Variants in NCAM2 observed in about 807,000 individuals in gnomAD.
The protein encoded by NCAM2 is neural cell adhesion molecule 2, also known as N-CAM-2.
NCAM2 carries 30 observed loss-of-function variants against 98.1 expected under a neutral mutation model. The observed-to-expected ratio is 0.31, with a 90% CI of 0.23 to 0.41. The LOEUF (loss-of-function observed/expected upper bound fraction) is 0.41, where lower values mean the gene tolerates loss of function less well. Among genes scored for constraint, NCAM2 ranks in the 10% least tolerant of loss-of-function variants. The pLI is 1.00. For synonymous variants in NCAM2, 368 were observed against 342.4 expected, an observed-to-expected ratio of 1.07 and a Z score of -0.83; for missense variants, 867 against 1,005.8, an observed-to-expected ratio of 0.86 and a Z score of 1.87.
At chr21:21,183,939 G>C (rs193188545) in intron 1 of NCAM2, among the ~76,000 whole-genome samples, 94 of 152,226 alleles carry the variant, frequency 6.2e-4, no homozygotes, top group Admixed American at 2.4e-3. Flanking sequence ...TACATGTAAA[G>C]AGATGGGATT....
Position 21,087,586 on chromosome 21 carries a change from A to T in NCAM2, c.55+88968A>T, listed in dbSNP as rs191009998. 1.5e-4 allele frequency among the ~76,000 whole-genome samples: 23 copies of T among 152,240 alleles called. No individual in the cohort carries two copies. The East Asian group carries it at 4.4e-3, about 29-fold the overall frequency. On this transcript the variant is annotated intron_variant, in intron 1 of 17. Coordinates refer to ENST00000400546, the MANE Select transcript of NCAM2 (RefSeq NM_004540.5). ...TCTGTAGCTTGCCCAAAACTCTGTA[A>T]TTAGTCCCTTTGTAAATAAGGTGTT...
chr21:21,504,353 G>A (rs527831132), intron 15 of NCAM2, among the ~76,000 whole-genome samples: 8 of 151,880 alleles, frequency 5.3e-5, no homozygotes, highest in South Asian at 2.1e-4. Flanking sequence ...ACCATAAGTC[G>A]TAAGTGTAAG....
chr21:21,434,170 G>A (rs1040912318), intron 12 of NCAM2, among the ~76,000 whole-genome samples: 21 of 152,260 alleles, frequency 1.4e-4, no homozygotes, highest in Non-Finnish European at 2.2e-4. Context: ...AAGCACATTC[G>A]TTACTTTGAA....
intron 1 of NCAM2, among the ~76,000 whole-genome samples, chr21:21,106,945 A>G (rs1484800239): frequency 6.6e-6 from 1 of 152,146 alleles, no homozygotes; most frequent in Non-Finnish European, 1.5e-5. Context: ...ATTTTAGTTT[A>G]TTCAAAGTAT....
rs77653542 is a variant in NCAM2 at position 21,349,931 on chromosome 21, G to A, written c.1044+11397G>A. Among the ~76,000 whole-genome samples, 551 of 152,292 alleles carry A rather than the reference G, an allele frequency of 3.6e-3. 21 individuals carry two copies. The East Asian group carries it at 0.09, about 25-fold the overall frequency. ...TGGTAACCAGATGATGGGAAGTATA[G>A]TGAGGTGGGGCGTGGTAAGGATGGT... On this transcript the variant is annotated intron_variant, in intron 8 of 17. Transcript: ENST00000400546.
At chr21:21,486,160 C>T (rs959200478) in intron 15 of NCAM2, among the ~76,000 whole-genome samples, 3 of 151,774 alleles carry the variant, frequency 2.0e-5, no homozygotes, top group Admixed American at 6.6e-5. Flanking sequence ...AAAAATTAGC[C>T]GGGCGTGGTG....
chr21:21,029,849 C>G (rs1487256229), intron 1 of NCAM2, among the ~76,000 whole-genome samples: 8 of 151,986 alleles, frequency 5.3e-5, no homozygotes, highest in African/African-American at 1.9e-4. Flanking sequence ...CCAGGATGGT[C>G]TCAATCTCCT....
chr21:21,294,579 G>T (rs2826772), intron 5 of NCAM2, among the ~76,000 whole-genome samples: 33,518 of 151,456 alleles, frequency 0.22, 4,029 homozygotes, highest in African/African-American at 0.31. Context: ...TCACAAACTC[G>T]CGTAGCTTAA....
intron 1 of NCAM2, among the ~76,000 whole-genome samples, chr21:21,071,202 A>G (rs1293417731): frequency 6.6e-6 from 1 of 152,190 alleles, no homozygotes; most frequent in Non-Finnish European, 1.5e-5. Flanking sequence ...AAAATTGAAG[A>G]ACTTAGGACA....
intron 1 of NCAM2, among the ~76,000 whole-genome samples, chr21:21,232,029 C>T (rs111237735): frequency 3.3e-5 from 5 of 151,278 alleles, no homozygotes; most frequent in South Asian, 4.1e-4. Flanking sequence ...AACTCAGAAC[C>T]ACCCCTTCAC....
At chr21:21,399,619 T>C (rs2076585741) in intron 9 of NCAM2, among the ~76,000 whole-genome samples, 1 of 152,202 alleles carries the variant, frequency 6.6e-6, no homozygotes, top group Admixed American at 6.5e-5. Context: ...CTTTTCAATT[T>C]GATTTAGAAA....
intron 1 of NCAM2, among the ~76,000 whole-genome samples, chr21:21,182,557 A>G (rs1020713639): frequency 3.9e-5 from 6 of 152,206 alleles, no homozygotes; most frequent in Non-Finnish European, 8.8e-5. Flanking sequence ...GATTCATGGT[A>G]CTGAATAACA....
chr21:21,115,283 T>C (rs2146541497), intron 1 of NCAM2, among the ~76,000 whole-genome samples: 1 of 152,322 alleles, frequency 6.6e-6, no homozygotes, highest in South Asian at 2.1e-4. Flanking sequence ...CCTCTCCTTG[T>C]GGCATTACCC....
At chr21:21,148,509 TAAAATAAACCTAA>T (rs1437127936) in intron 1 of NCAM2, among the ~76,000 whole-genome samples, 1 of 152,208 alleles carries the variant, frequency 6.6e-6, no homozygotes, top group African/African-American at 2.4e-5. Flanking sequence ...GTGGAGATTT[TAAAATAAACCTAA>T]AGTGTGCAGA....
At chr21:21,272,989 A>ACGGGACATGCATT (rs2072585625) in intron 1 of NCAM2, among the ~76,000 whole-genome samples, 1 of 21,154 alleles carries the variant, frequency 4.7e-5, no homozygotes, top group African/African-American at 1.0e-4. Flanking sequence ...ACACATACAC[A>ACGGGACATGCATT]CACACACACA....
At chr21:21,360,395 T>G (rs2147989538) in intron 8 of NCAM2, among the ~76,000 whole-genome samples, 1 of 152,172 alleles carries the variant, frequency 6.6e-6, no homozygotes, top group South Asian at 2.1e-4. Context: ...CTATCTCTTA[T>G]GATAGCATCA....
At chr21:21,435,432 C>T (rs572865794) in intron 12 of NCAM2, among the ~76,000 whole-genome samples, 3 of 152,210 alleles carry the variant, frequency 2.0e-5, no homozygotes, top group South Asian at 2.1e-4. Flanking sequence ...AGCATCACTG[C>T]GCTTTCTTCT....
intron 4 of NCAM2, among the ~76,000 whole-genome samples, chr21:21,290,976 C>T (rs1461446393): frequency 7.3e-6 from 1 of 136,920 alleles, no homozygotes; most frequent in Non-Finnish European, 1.6e-5. Flanking sequence ...TCACATGTGG[C>T]TTCAAGTGGT....
At chr21:21,003,524 G>A (rs565435797) in intron 1 of NCAM2, among the ~76,000 whole-genome samples, 1 of 152,146 alleles carries the variant, frequency 6.6e-6, no homozygotes, top group Non-Finnish European at 1.5e-5. Flanking sequence ...AGTTGACCTT[G>A]ATGCTCGGCC....
Sources: gnomAD v4.1 joint callset for allele counts (sites outside exome capture counted in the v4.1 genomes callset) on GRCh38, gnomAD v4.1.1 for gene constraint, MANE v1.5 for transcripts, NCBI Gene and HGNC (gene_info 2026-07-23, HGNC 2026-07-21) for gene names.